Variants in ZNF385D observed in about 807,000 individuals in gnomAD.
ZNF385D encodes the protein zinc finger protein 385D, also known as zinc finger protein 659.
ZNF385D carries 15 observed loss-of-function variants against 35.8 expected under a neutral mutation model. That is an observed-to-expected ratio of 0.42 (90% CI 0.28 to 0.64). The LOEUF (loss-of-function observed/expected upper bound fraction) is 0.64, where lower values mean the gene tolerates loss of function less well. Among genes scored for constraint, ZNF385D ranks in the 30% least tolerant of loss-of-function variants. The pLI is 0.23. For missense variants in ZNF385D, 474 were observed against 494.6 expected (o/e 0.96, Z 0.39); for synonymous variants, 212 against 186.8 (o/e 1.13, Z -1.10).
intron 3 of ZNF385D, among the ~76,000 whole-genome samples, chr3:21,941,555 T>C (rs4638988): frequency 0.27 from 37,575 of 140,256 alleles, 5,500 homozygotes; most frequent in Admixed American, 0.44. Flanking sequence ...TGGAATGCAG[T>C]GGCATGATCT....
exon 3 of ZNF385D, chr3:22,168,988 C>G (rs1706513596): frequency 2.4e-5 from 24 of 985,798 alleles, no homozygotes; most frequent in Non-Finnish European, 2.9e-5. Flanking sequence ...TCAAAGTCAT[C>G]AGGTATTAAT....
chr3:21,593,790 AAAT>A (rs2064050625), intron 2 of ZNF385D, among the ~76,000 whole-genome samples: 1 of 152,172 alleles, frequency 6.6e-6, no homozygotes, highest in African/African-American at 2.4e-5. Flanking sequence ...TTAAAAAAAA[AAAT>A]AAGCTAGCCC....
At chr3:21,720,789 C>T (rs2125447362) in intron 1 of ZNF385D, among the ~76,000 whole-genome samples, 1 of 152,226 alleles carries the variant, frequency 6.6e-6, no homozygotes, top group East Asian at 1.9e-4. Context: ...CCCCATGAGT[C>T]CTCTGGCATT....
chr3:21,504,016 G>A (rs1438687498), intron 4 of ZNF385D, among the ~76,000 whole-genome samples: 2 of 152,148 alleles, frequency 1.3e-5, no homozygotes, highest in African/African-American at 2.4e-5. Context: ...AGTCATGAGT[G>A]AAAAGTGCAA....
intron 2 of ZNF385D, among the ~76,000 whole-genome samples, chr3:22,356,070 G>A (rs1455938977): frequency 3.3e-5 from 5 of 151,960 alleles, no homozygotes; most frequent in Admixed American, 2.0e-4. Context: ...GTTAATTTGT[G>A]TAGGTATATG....
intron 2 of ZNF385D, among the ~76,000 whole-genome samples, chr3:21,565,878 T>C (rs2063127727): frequency 6.6e-6 from 1 of 150,388 alleles, no homozygotes; most frequent in Non-Finnish European, 1.5e-5. Context: ...CAGAAATGAC[T>C]CTCTAATATT....
chr3:21,978,678 T>C (rs1427527076), intron 3 of ZNF385D, among the ~76,000 whole-genome samples: 1 of 152,212 alleles, frequency 6.6e-6, no homozygotes, highest in Admixed American at 6.5e-5. Flanking sequence ...TTCTATTATG[T>C]CTATGTCTCT....
intron 2 of ZNF385D, among the ~76,000 whole-genome samples, chr3:21,602,119 G>T (rs116694912): frequency 0.025 from 3,794 of 152,246 alleles, 48 homozygotes; most frequent in African/African-American, 0.035. Flanking sequence ...GCAAGAGAGC[G>T]TGTGCAGGGG....
At chr3:21,964,867 T>C (rs1033045680) in intron 3 of ZNF385D, among the ~76,000 whole-genome samples, 1 of 152,184 alleles carries the variant, frequency 6.6e-6, no homozygotes, top group South Asian at 2.1e-4. Context: ...TTATTATAAA[T>C]ATATTTGTAG....
intron 1 of ZNF385D, among the ~76,000 whole-genome samples, chr3:21,741,454 C>T (rs555802464): frequency 1.8e-4 from 27 of 152,264 alleles, no homozygotes; most frequent in Admixed American, 6.5e-4. Context: ...AATTAAAACA[C>T]GTGATGGTAA....
At chr3:21,952,356 A>G (rs1042473250) in intron 3 of ZNF385D, among the ~76,000 whole-genome samples, 5 of 151,976 alleles carry the variant, frequency 3.3e-5, no homozygotes, top group African/African-American at 1.2e-4. Flanking sequence ...AAATTTTAAA[A>G]CACATTTTGA....
chr3:21,986,369 C>G (rs1694804463), intron 3 of ZNF385D, among the ~76,000 whole-genome samples: 1 of 103,982 alleles, frequency 9.6e-6, no homozygotes. Context: ...TATGTTGTGT[C>G]TTTGTTCTCG....
In ZNF385D at chr3:22,320,290, G is replaced by A. The variant is rs566911403; in HGVS notation, c.106+52160C>T. Among the ~76,000 whole-genome samples, 33 of 152,164 alleles carry A rather than the reference G, an allele frequency of 2.2e-4. No individual in the cohort carries two copies. The South Asian group carries it at 6.4e-3, about 30-fold the overall frequency. ...AGATGAACCAAGGAAGGTTTGAATAGCATTAGTATTCTAGTAAGGGGAAAG... is the reference window on the plus strand; with the variant it reads ...AGATGAACCAAGGAAGGTTTGAATAACATTAGTATTCTAGTAAGGGGAAAG... On this transcript the variant is annotated intron_variant, in intron 2 of 5. Coordinates refer to the ZNF385D transcript ENST00000494108.
intron 2 of ZNF385D, among the ~76,000 whole-genome samples, chr3:22,194,342 T>G (rs1284565055): frequency 6.6e-6 from 1 of 151,896 alleles, no homozygotes. Context: ...TGTTGTTGTT[T>G]TGGGTTTTTT....
At chr3:22,336,391 A>C (rs577075132) in intron 2 of ZNF385D, among the ~76,000 whole-genome samples, 1 of 152,268 alleles carries the variant, frequency 6.6e-6, no homozygotes, top group South Asian at 2.1e-4. Flanking sequence ...TATCAGAAAT[A>C]GTTTTACGGA....
chr3:21,504,834 C>T (rs1706654237), intron 4 of ZNF385D, among the ~76,000 whole-genome samples: 1 of 152,048 alleles, frequency 6.6e-6, no homozygotes, highest in Non-Finnish European at 1.5e-5. Flanking sequence ...CACAGAGGTA[C>T]ATTAAAGATT....
chr3:21,996,613 CAT>C (rs1325270968), intron 3 of ZNF385D, among the ~76,000 whole-genome samples: 9 of 152,200 alleles, frequency 5.9e-5, no homozygotes, highest in Admixed American at 3.9e-4. Context: ...TTATTTCTCA[CAT>C]ATGTTTCAGC....
intron 2 of ZNF385D, among the ~76,000 whole-genome samples, chr3:22,170,649 A>G (rs1265941010): frequency 6.6e-6 from 1 of 152,222 alleles, no homozygotes; most frequent in Non-Finnish European, 1.5e-5. Flanking sequence ...AAGAAAATTT[A>G]TAGACTTTGT....
intron 3 of ZNF385D, among the ~76,000 whole-genome samples, chr3:21,999,666 T>C (rs1329766859): frequency 3.9e-5 from 6 of 151,908 alleles, no homozygotes; most frequent in Non-Finnish European, 7.4e-5. Flanking sequence ...AGATTTATAC[T>C]AGTAAGACTT....
Sources: allele counts gnomAD v4.1 joint callset (sites outside exome capture counted in the v4.1 genomes callset), GRCh38; gene constraint gnomAD v4.1.1; transcripts MANE v1.5; gene names NCBI Gene and HGNC (gene_info 2026-07-23, HGNC 2026-07-21).